The following KCNJ16 variants were observed in gnomAD, a reference collection of about 807,000 sequenced individuals.
KCNJ16 encodes potassium inwardly rectifying channel subfamily J member 16, also known as inward rectifier potassium channel 16.
A neutral mutation model predicts 18.5 loss-of-function variants in KCNJ16; 15 were observed. The ratio of observed to expected loss-of-function variants is 0.81; its 90% CI spans 0.54 to 1.25. The LOEUF (loss-of-function observed/expected upper bound fraction) is 1.25, where lower values mean the gene tolerates loss of function less well. Among genes scored for constraint, KCNJ16 ranks in the 50% most tolerant of loss-of-function variants. The probability of loss-of-function intolerance (pLI) is 0.00; values close to 1 mark genes in which losing one functional copy is unlikely to be tolerated. For synonymous variants in KCNJ16, 174 were observed against 186.5 expected (o/e 0.93, Z 0.55); for missense variants, 523 against 525.7 (o/e 0.99, Z 0.05).
At chr17:70,111,337 C>T (rs2073176204) in intron 2 of KCNJ16, among the ~76,000 whole-genome samples, 1 of 152,018 alleles carries the variant, frequency 6.6e-6, no homozygotes, top group Admixed American at 6.6e-5. Context: ...CAGCACTGAG[C>T]CCCAAAAAGA....
At chr17:70,079,033 T>C (rs2071433830) in intron 1 of KCNJ16, among the ~76,000 whole-genome samples, 1 of 152,100 alleles carries the variant, frequency 6.6e-6, no homozygotes, top group Non-Finnish European at 1.5e-5. Context: ...TGGTTATTAG[T>C]CAAGGATCTC....
At chr17:70,097,588 A>G (rs2072437574) in intron 1 of KCNJ16, among the ~76,000 whole-genome samples, 1 of 152,092 alleles carries the variant, frequency 6.6e-6, no homozygotes, top group African/African-American at 2.4e-5. Flanking sequence ...GCAGCCCCAT[A>G]TAGCATAGTT....
chr17:70,100,489 A>G (rs1265170919), intron 1 of KCNJ16, among the ~76,000 whole-genome samples, 169 bp from the exon 2 acceptor site: 1 of 152,068 alleles, frequency 6.6e-6, no homozygotes, highest in African/African-American at 2.4e-5. Context: ...GAAAAACATT[A>G]CTCTCACTCA....
At chr17:70,098,704 A>C (rs2072494984) in intron 1 of KCNJ16, among the ~76,000 whole-genome samples, 1 of 152,120 alleles carries the variant, frequency 6.6e-6, no homozygotes, top group Admixed American at 6.5e-5. Flanking sequence ...CAAATATTAG[A>C]AGCTAGAAGC....
rs117072508 is a variant in KCNJ16, at chr17:70,120,140, G to A, written c.-190-10739G>A. ...ACTTCCACAGATCCCTAGGGCAGAG[G>A]CACAATGCAGCCAAGTTCATGCATG... On this transcript the variant is annotated intron_variant, in intron 2 of 3. Coordinates refer to ENST00000392671, the MANE Select transcript of KCNJ16 (RefSeq NM_170741.4). Among the ~76,000 whole-genome samples, 896 of 152,238 alleles carry A rather than the reference G, an allele frequency of 5.9e-3. 2 individuals are homozygous for A. Among genetic ancestry groups the A allele is most frequent in the Non-Finnish European group, 8.4e-3 (568 of 68,008 alleles).
At chr17:70,120,511 G>A (rs1352743360) in intron 2 of KCNJ16, among the ~76,000 whole-genome samples, 1 of 152,198 alleles carries the variant, frequency 6.6e-6, no homozygotes, top group African/African-American at 2.4e-5. Flanking sequence ...CGGTTATGCA[G>A]ACTGGACAGT....
intron 2 of KCNJ16, among the ~76,000 whole-genome samples, chr17:70,116,780 C>T (rs1227774465): frequency 1.3e-5 from 2 of 152,066 alleles, no homozygotes. Flanking sequence ...TGAGAATAGC[C>T]ATTATTAATA....
At chr17:70,120,216 G>A (rs557372951) in intron 2 of KCNJ16, among the ~76,000 whole-genome samples, 18 of 152,266 alleles carry the variant, frequency 1.2e-4, no homozygotes, top group African/African-American at 3.9e-4. Flanking sequence ...ATCTGAGACC[G>A]TGTCAGCCTG....
intron 2 of KCNJ16, among the ~76,000 whole-genome samples, chr17:70,109,899 G>C (rs962016676): frequency 6.6e-6 from 1 of 152,272 alleles, no homozygotes; most frequent in African/African-American, 2.4e-5. Flanking sequence ...AGCTGTGAAA[G>C]CTGTATTCCA....
intron 3 of KCNJ16, among the ~76,000 whole-genome samples, chr17:70,131,768 C>T (rs1182250744): frequency 6.6e-6 from 1 of 152,140 alleles, no homozygotes; most frequent in Non-Finnish European, 1.5e-5. Flanking sequence ...AGTGTTTACC[C>T]AAGCCTTATT....
intron 1 of KCNJ16, among the ~76,000 whole-genome samples, chr17:70,092,017 C>T (rs561252107): frequency 6.6e-6 from 1 of 152,144 alleles, no homozygotes; most frequent in Admixed American, 6.5e-5. Context: ...CTACACAACA[C>T]CAAAAAGGCT....
intron 2 of KCNJ16, among the ~76,000 whole-genome samples, chr17:70,122,071 T>C (rs1419977696): frequency 6.6e-6 from 1 of 152,178 alleles, no homozygotes; most frequent in Non-Finnish European, 1.5e-5. Context: ...ACAGTGAGAA[T>C]TGAGTAGATT....
In KCNJ16 at chr17:70,132,342, G is replaced by A. The variant is rs372090809; in HGVS notation, c.255G>A (p.Trp85Ter). 24 of 1,614,048 alleles carry A rather than the reference G, an allele frequency of 1.5e-5. No homozygotes were observed. Among genetic ancestry groups the A allele is most frequent in the African/African-American group, 1.2e-4 (9 of 74,924 alleles). Residue 85 changes from tryptophan (W) to a stop codon, truncating the protein, a stop_gained, in exon 4 of 4, where the codon TGG becomes TGA. Transcript: ENST00000392671. LOFTEE classifies it high-confidence loss of function. ...VIFSLSYILS[W>*]LIFGSVFWLI... ...TTTCTTTATCTTATATTCTCTCGTG[G>A]TTGATATTTGGCTCTGTCTTTTGGC...
At chr17:70,076,195 G>C (rs890167894) in intron 1 of KCNJ16, among the ~76,000 whole-genome samples, 8 of 152,112 alleles carry the variant, frequency 5.3e-5, no homozygotes, top group Non-Finnish European at 2.9e-5. Context: ...TTTAGAAAAA[G>C]AGTATTGGAG....
chr17:70,119,123 A>G (rs528745923), intron 2 of KCNJ16, among the ~76,000 whole-genome samples: 2 of 152,334 alleles, frequency 1.3e-5, no homozygotes, highest in South Asian at 2.1e-4. Context: ...AATGCTCCAA[A>G]ATAATCTCCT....
intron 1 of KCNJ16, among the ~76,000 whole-genome samples, chr17:70,084,626 G>A (rs966391838): frequency 6.6e-6 from 1 of 151,994 alleles, no homozygotes; most frequent in African/African-American, 2.4e-5. Flanking sequence ...ATTTCCTCTG[G>A]TAGAGCGGTG....
chr17:70,133,525 A>C lies in KCNJ16; in HGVS notation c.*181A>C, dbSNP rs2074140312. The C allele has an allele frequency of 7.2e-6, 4 of 553,516 alleles. No individual in the cohort carries two copies. Among genetic ancestry groups the C allele is most frequent in the Admixed American group, 3.5e-5 (1 of 28,366 alleles). The allele number at this position is 553,516 out of a possible 1,614,324, so 34.3% of individuals were successfully genotyped here. A position where few individuals can be genotyped will look rare whatever the true frequency, so the allele number is the denominator to read the frequency against. On this transcript the variant is annotated 3_prime_UTR_variant, in exon 4 of 4. Transcript: ENST00000392671. ...AATTCCATAGTTCTCAGTTATTAAAATTTTTCTTGTTCGCCAATTTTGTAT... is the reference window on the plus strand; with the variant it reads ...AATTCCATAGTTCTCAGTTATTAAACTTTTTCTTGTTCGCCAATTTTGTAT...
intron 1 of KCNJ16, among the ~76,000 whole-genome samples, chr17:70,082,498 G>A (rs1240495252): frequency 6.6e-6 from 1 of 152,182 alleles, no homozygotes; most frequent in East Asian, 1.9e-4. Flanking sequence ...AATTGAACAT[G>A]TGGAGAGCAG....
chr17:70,087,156 C>T (rs1180751818), intron 1 of KCNJ16, among the ~76,000 whole-genome samples: 3 of 151,594 alleles, frequency 2.0e-5, no homozygotes, highest in Non-Finnish European at 4.4e-5. Context: ...GATCCGCCTG[C>T]TTCGGCCTCC....
Sources: gnomAD v4.1 joint callset for allele counts (sites outside exome capture counted in the v4.1 genomes callset) on GRCh38, gnomAD v4.1.1 for gene constraint, MANE v1.5 for transcripts, NCBI Gene and HGNC (gene_info 2026-07-23, HGNC 2026-07-21) for gene names.